MED13L: variants seen among roughly 807,000 people sequenced by gnomAD.
The protein encoded by MED13L is mediator complex subunit 13L.
A neutral mutation model predicts 220.9 loss-of-function variants in MED13L; 7 were observed. That is an observed-to-expected ratio of 0.03 (90% CI 0.02 to 0.06). The LOEUF (loss-of-function observed/expected upper bound fraction) is 0.06, where lower values mean the gene tolerates loss of function less well. MED13L is among the 10% of genes least tolerant of loss of function. MED13L has a pLI of 1.00. For synonymous variants in MED13L, 1,011 were observed against 1,015.2 expected (o/e 1.00, Z 0.08); for missense variants, 1,965 against 2,760.5 (o/e 0.71, Z 6.46).
chr12:116,060,649 C>T (rs1344437874), intron 4 of MED13L, among the ~76,000 whole-genome samples: 1 of 150,100 alleles, frequency 6.7e-6, no homozygotes, highest in Non-Finnish European at 1.5e-5. Flanking sequence ...ACTTTTTTCA[C>T]ATTACAATTA....
At chr12:116,079,897 TC>T (rs1565866792) in intron 4 of MED13L, among the ~76,000 whole-genome samples, 1 of 152,114 alleles carries the variant, frequency 6.6e-6, no homozygotes, top group Non-Finnish European at 1.5e-5. Context: ...TGTTCTGAGA[TC>T]TGAAAGTTAT....
chr12:115,978,344 G>A, intron 23 of MED13L, among the ~76,000 whole-genome samples: 1 of 48,942 alleles, frequency 2.0e-5, no homozygotes, highest in Non-Finnish European at 4.0e-5. Flanking sequence ...TTTTTTTTTT[G>A]GAGACAGAGT....
chr12:116,146,642 G>T (rs1047803101), intron 2 of MED13L, among the ~76,000 whole-genome samples: 4 of 151,958 alleles, frequency 2.6e-5, no homozygotes, highest in South Asian at 2.1e-4. Flanking sequence ...AGGCAGGGGG[G>T]ACTGCTTGAG....
At chr12:116,084,398 T>C (rs1430590068) in intron 4 of MED13L, among the ~76,000 whole-genome samples, 2 of 152,176 alleles carry the variant, frequency 1.3e-5, no homozygotes, top group Non-Finnish European at 1.5e-5. Flanking sequence ...GCAGGTAAAG[T>C]TGCAAACGTA....
rs1183868520 is a variant in MED13L at position 116,100,590 on chromosome 12, C to A, written c.396-3838G>T. Among the ~76,000 whole-genome samples the A allele has an allele frequency of 6.9e-5, 9 of 130,706 alleles. No homozygotes were observed. The East Asian group carries it at 2.0e-3, about 29-fold the overall frequency. The allele number at this position is 130,706 out of a possible 152,430, so 85.7% of individuals were successfully genotyped here. A position where few individuals can be genotyped will look rare whatever the true frequency, so the allele number is the denominator to read the frequency against. ...ATTCTGGCCTGGGTGAAAAGAGAGA[C>A]TCCGTCTCAAAAAAAAAAAAAAAAA... On this transcript the variant is annotated intron_variant, in intron 3 of 30. Transcript: ENST00000281928.
At chr12:116,065,361 A>T (rs1399221191) in intron 4 of MED13L, among the ~76,000 whole-genome samples, 1 of 152,236 alleles carries the variant, frequency 6.6e-6, no homozygotes, top group Non-Finnish European at 1.5e-5. Context: ...ACATATGCAT[A>T]TATATGCTGA....
intron 10 of MED13L, 166 bp downstream of exon 10, chr12:116,008,235 T>C: frequency 3.1e-6 from 3 of 968,208 alleles, no homozygotes; most frequent in Non-Finnish European, 4.5e-6. Flanking sequence ...TGCTAACCTA[T>C]AAGTAGGACA....
intron 1 of MED13L, among the ~76,000 whole-genome samples, chr12:116,247,799 GATT>G (rs1387903326): frequency 1.3e-5 from 2 of 152,144 alleles, no homozygotes; most frequent in Non-Finnish European, 2.9e-5. Flanking sequence ...AAAGTATAAA[GATT>G]TTTTAAAAGT....
chr12:115,965,013 C>T lies in MED13L; in HGVS notation c.6387+1069G>A, dbSNP rs533740921. Among the ~76,000 whole-genome samples the T allele has an allele frequency of 2.0e-3, 303 of 152,298 alleles. 3 individuals are homozygous for T. The highest frequency in any genetic ancestry group is 0.01 in the Middle Eastern group (3 of 294). On this transcript the variant is annotated intron_variant, in intron 29 of 30. Transcript: ENST00000281928. ...TAATTCTAATTCAAAATAAAGAACA[C>T]ATGCATTTTTATAAACCTTCTTTGA...
chr12:116,005,851 T>C lies in MED13L; in HGVS notation c.2469+18A>G. 1.9e-6 allele frequency: 3 copies of C among 1,613,682 alleles called. No individual in the cohort carries two copies. Among genetic ancestry groups the C allele is most frequent in the Admixed American group, 1.7e-5 (1 of 60,016 alleles). On this transcript the variant is annotated intron_variant, in intron 13 of 30. Transcript: ENST00000281928. Reference sequence around the variant, plus strand: ...TCATGTAGCGAAATTTTTGTTTATGTAGCTACGGCAAACTCACCCCAAGTT... The same window carrying C: ...TCATGTAGCGAAATTTTTGTTTATGCAGCTACGGCAAACTCACCCCAAGTT...
rs141019813 is a variant in MED13L, at chr12:115,977,573, G to T, written c.5365-1835C>A. Among the ~76,000 whole-genome samples, 1,393 of 152,284 alleles carry T rather than the reference G, an allele frequency of 9.1e-3. 15 individuals are homozygous for T. The highest frequency in any genetic ancestry group is 0.017 in the Middle Eastern group (5 of 294). On this transcript the variant is annotated intron_variant, in intron 23 of 30. Coordinates refer to ENST00000281928, the MANE Select transcript of MED13L (RefSeq NM_015335.5). ...CTAAATGTCCATCAACTAATGAATG[G>T]ATAGACAAAATGTGGTACAGCCATA...
intron 2 of MED13L, among the ~76,000 whole-genome samples, chr12:116,123,959 A>G (rs985577783): frequency 3.3e-5 from 5 of 152,200 alleles, no homozygotes; most frequent in African/African-American, 1.2e-4. Flanking sequence ...TTACACAACA[A>G]GCACATTTAT....
intron 2 of MED13L, among the ~76,000 whole-genome samples, chr12:116,177,783 A>G (rs959060933): frequency 6.6e-6 from 1 of 152,246 alleles, no homozygotes. Flanking sequence ...GAAAAAAGTC[A>G]GTGTAAGGAA....
chr12:116,028,666 C>G (rs1431012827), intron 4 of MED13L, among the ~76,000 whole-genome samples: 1 of 152,116 alleles, frequency 6.6e-6, no homozygotes, highest in African/African-American at 2.4e-5. Flanking sequence ...TGCTATAGGC[C>G]AGAAGATACT....
chr12:116,153,501 G>A (rs1240069966), intron 2 of MED13L, among the ~76,000 whole-genome samples: 1 of 152,138 alleles, frequency 6.6e-6, no homozygotes, highest in African/African-American at 2.4e-5. Flanking sequence ...CCAGATATAT[G>A]TCATTAACAA....
chr12:116,275,042 T>C (rs573018814), intron 1 of MED13L, among the ~76,000 whole-genome samples: 1 of 151,466 alleles, frequency 6.6e-6, no homozygotes, highest in East Asian at 1.9e-4. Context: ...AGACTGGCTA[T>C]ACATATACTT....
chr12:116,192,855 G>A (rs1465005926), intron 2 of MED13L, among the ~76,000 whole-genome samples: 3 of 151,836 alleles, frequency 2.0e-5, no homozygotes, highest in South Asian at 2.1e-4. Context: ...GGCATGGGCC[G>A]GGCGCCATGG....
At chr12:116,182,524 T>C (rs1297954112) in intron 2 of MED13L, among the ~76,000 whole-genome samples, 1 of 152,268 alleles carries the variant, frequency 6.6e-6, no homozygotes, top group East Asian at 1.9e-4. Context: ...AGAGAAGATA[T>C]ATCCTTGCTG....
chr12:116,275,940 T>G (rs1424649096), intron 1 of MED13L, among the ~76,000 whole-genome samples: 1 of 152,222 alleles, frequency 6.6e-6, no homozygotes. Flanking sequence ...CAGTAACTCA[T>G]GCACAAAGCA....
Sources: gnomAD v4.1 joint callset for allele counts (sites outside exome capture counted in the v4.1 genomes callset) on GRCh38, gnomAD v4.1.1 for gene constraint, MANE v1.5 for transcripts, NCBI Gene and HGNC (gene_info 2026-07-23, HGNC 2026-07-21) for gene names.